LNX1: variants seen among roughly 807,000 people sequenced by gnomAD.
LNX1 encodes the protein ligand of numb-protein X 1.
Under a neutral mutation model 68.4 loss-of-function variants are expected in LNX1, and 54 were observed. The observed-to-expected ratio is 0.79, with a 90% CI of 0.63 to 0.99. LNX1 has a LOEUF of 0.99. LNX1 is among the 50% of genes least tolerant of loss of function. The probability of loss-of-function intolerance (pLI) is 0.00; values close to 1 mark genes in which losing one functional copy is unlikely to be tolerated. For missense variants in LNX1, 906 were observed against 926.4 expected, an observed-to-expected ratio of 0.98 and a Z score of 0.29; for synonymous variants, 336 against 350.0, an observed-to-expected ratio of 0.96 and a Z score of 0.45.
At chr4:53,625,844 C>T (rs2616421) in intron 1 of LNX1, among the ~76,000 whole-genome samples, 2,037 of 144,238 alleles carry the variant, frequency 0.014, 39 homozygotes, top group South Asian at 0.022. Flanking sequence ...AATTCCACCC[C>T]GTGTGTGTGT....
chr4:53,604,786 T>C (rs554905712), intron 2 of LNX1, among the ~76,000 whole-genome samples: 60 of 152,298 alleles, frequency 3.9e-4, no homozygotes, highest in Non-Finnish European at 6.9e-4. Context: ...TGTGTTTGGA[T>C]TGGAGCTGAG....
chr4:53,635,770 T>C (rs910216454), intron 1 of LNX1, among the ~76,000 whole-genome samples: 20 of 152,190 alleles, frequency 1.3e-4, no homozygotes, highest in Admixed American at 1.0e-3. Context: ...GGTTTTAACC[T>C]AGTGCTTTTA....
chr4:53,637,496 A>G (rs141542711), intron 1 of LNX1, among the ~76,000 whole-genome samples: 1 of 152,336 alleles, frequency 6.6e-6, no homozygotes, highest in Non-Finnish European at 1.5e-5. Context: ...AATGCTTTGC[A>G]CTACACCTGT....
Position 53,591,466 on chromosome 4 carries a change from T to C in LNX1, c.-165A>G. The C allele has an allele frequency of 1.0e-6, 1 of 985,674 alleles. No homozygotes were observed. The highest frequency in any genetic ancestry group is 1.2e-6 in the Non-Finnish European group (1 of 830,194). The allele number at this position is 985,674 out of a possible 1,614,324, so 61.1% of individuals were successfully genotyped here. A position where few individuals can be genotyped will look rare whatever the true frequency, so the allele number is the denominator to read the frequency against. On this transcript the variant is annotated 5_prime_UTR_variant, in exon 1 of 11. Coordinates refer to ENST00000263925, the MANE Select transcript of LNX1 (RefSeq NM_001126328.3). ...ATTCCTTGTGGGTGAACCGAGCAGC[T>C]CCTTGGGCCGCCGGAGTTGTGACCA...
intron 2 of LNX1, among the ~76,000 whole-genome samples, chr4:53,596,960 T>A (rs1365813052): frequency 6.6e-6 from 1 of 152,192 alleles, no homozygotes; most frequent in African/African-American, 2.4e-5. Context: ...CCTCAAATTT[T>A]ACATTCTTTC....
At chr4:53,599,907 A>G (rs1471220256) in intron 2 of LNX1, among the ~76,000 whole-genome samples, 1 of 152,206 alleles carries the variant, frequency 6.6e-6, no homozygotes, top group African/African-American at 2.4e-5. Flanking sequence ...GCCCACAGTC[A>G]GGGCTGGCTG....
chr4:53,552,388 A>G (rs1192236428), intron 2 of LNX1, among the ~76,000 whole-genome samples: 1 of 152,224 alleles, frequency 6.6e-6, no homozygotes, highest in East Asian at 1.9e-4. Context: ...GATAGGAACT[A>G]AAAGTTTTTA....
chr4:53,569,618 T>C (rs1172273061), intron 2 of LNX1, among the ~76,000 whole-genome samples: 2 of 150,126 alleles, frequency 1.3e-5, no homozygotes, highest in South Asian at 2.1e-4. Context: ...GACTTCATGT[T>C]TAAAACACCA....
At chr4:53,462,720 C>T (rs906264622) in intron 9 of LNX1, among the ~76,000 whole-genome samples, 4 of 152,124 alleles carry the variant, frequency 2.6e-5, no homozygotes, top group African/African-American at 9.6e-5. Flanking sequence ...TGAAATTCAA[C>T]TCTAACCAGT....
chr4:53,613,994 T>C (rs1389933705), intron 2 of LNX1, among the ~76,000 whole-genome samples: 4 of 152,028 alleles, frequency 2.6e-5, no homozygotes, highest in Non-Finnish European at 5.9e-5. Flanking sequence ...CGGCCCTTTT[T>C]TGATAATAGC....
At chr4:53,509,750 T>C (rs1378087025) in intron 2 of LNX1, among the ~76,000 whole-genome samples, 2 of 152,222 alleles carry the variant, frequency 1.3e-5, no homozygotes, top group Non-Finnish European at 2.9e-5. Flanking sequence ...TTTCATGCTT[T>C]AACATGTCTA....
At chr4:53,578,297 C>T (rs896053368) in intron 1 of LNX1, among the ~76,000 whole-genome samples, 5 of 152,060 alleles carry the variant, frequency 3.3e-5, no homozygotes, top group South Asian at 4.1e-4. Flanking sequence ...CATTGTTAGG[C>T]GATTTGGTCC....
At chr4:53,511,084 C>T (rs1726298737) in intron 2 of LNX1, among the ~76,000 whole-genome samples, 1 of 152,192 alleles carries the variant, frequency 6.6e-6, no homozygotes, top group East Asian at 1.9e-4. Flanking sequence ...CATATCACAG[C>T]TGTTCTTACA....
chr4:53,579,732 G>A (rs1228513882), intron 1 of LNX1, among the ~76,000 whole-genome samples: 1 of 152,188 alleles, frequency 6.6e-6, no homozygotes, highest in Non-Finnish European at 1.5e-5. Context: ...GATCCTTGGT[G>A]TGCTGTTGTC....
chr4:53,476,057 C>T (rs539401357), intron 9 of LNX1, among the ~76,000 whole-genome samples: 22 of 152,208 alleles, frequency 1.4e-4, no homozygotes, highest in African/African-American at 4.8e-4. Context: ...AGCACTTTGC[C>T]AGGCCGAGGC....
chr4:53,508,438 A>T (rs112689467), intron 2 of LNX1: 53 of 519,412 alleles, frequency 1.0e-4, no homozygotes, highest in African/African-American at 7.7e-4. Flanking sequence ...GAGATTTTTT[A>T]AAGACGCCCA....
At chr4:53,601,457 C>T (rs1733011299) in intron 2 of LNX1, among the ~76,000 whole-genome samples, 2 of 152,202 alleles carry the variant, frequency 1.3e-5, no homozygotes, top group African/African-American at 4.8e-5. Context: ...GTGACTCTCA[C>T]TAAGTGTCTT....
intron 1 of LNX1, among the ~76,000 whole-genome samples, chr4:53,637,291 C>G (rs1039492574): frequency 2.0e-5 from 3 of 151,700 alleles, no homozygotes; most frequent in Non-Finnish European, 4.4e-5. Context: ...TTGGGGATCT[C>G]TTTCCAATGA....
At chr4:53,599,918 G>T (rs1732921244) in intron 2 of LNX1, among the ~76,000 whole-genome samples, 1 of 152,188 alleles carries the variant, frequency 6.6e-6, no homozygotes, top group Non-Finnish European at 1.5e-5. Flanking sequence ...GGGCTGGCTG[G>T]CATTGCACCT....
Sources: allele counts gnomAD v4.1 joint callset (sites outside exome capture counted in the v4.1 genomes callset), GRCh38; gene constraint gnomAD v4.1.1; transcripts MANE v1.5; gene names NCBI Gene and HGNC (gene_info 2026-07-23, HGNC 2026-07-21).